The following USP34 variants were observed in gnomAD, a reference collection of about 807,000 sequenced individuals.
The protein encoded by USP34 is ubiquitin carboxyl-terminal hydrolase 34.
In USP34, 70 loss-of-function variants were observed where a neutral mutation model predicts 460.3. That is an observed-to-expected ratio of 0.15 (90% CI 0.13 to 0.19). The LOEUF is 0.19. Ranked by LOEUF, USP34 falls within the 10% of genes least tolerant of loss-of-function variation. The pLI is 1.00. For synonymous variants in USP34, 1,647 were observed against 1,405.3 expected (o/e 1.17, Z -3.85); for missense variants, 3,985 against 4,236.2 (o/e 0.94, Z 1.65).
intron 2 of USP34, among the ~76,000 whole-genome samples, chr2:61,411,055 C>G (rs1694022123): frequency 6.6e-6 from 1 of 151,968 alleles, no homozygotes; most frequent in Non-Finnish European, 1.5e-5. Context: ...ACATAATGAA[C>G]AAGATAAACT....
intron 3 of USP34, among the ~76,000 whole-genome samples, chr2:61,398,928 CT>C (rs1693626927): frequency 6.6e-6 from 1 of 152,172 alleles, no homozygotes; most frequent in South Asian, 2.1e-4. Context: ...TCTCAACGAA[CT>C]TTTTCATGGT....
chr2:61,429,521 G>C (rs536233727), intron 1 of USP34, among the ~76,000 whole-genome samples: 1 of 152,218 alleles, frequency 6.6e-6, no homozygotes, highest in South Asian at 2.1e-4. Context: ...TAGCTACCCA[G>C]GAGGCTGAGG....
intron 29 of USP34, 85 bp from the exon 30 acceptor site, chr2:61,297,010 C>A: frequency 2.0e-6 from 3 of 1,486,704 alleles, no homozygotes; most frequent in South Asian, 1.4e-5. Context: ...AAGTAATGAT[C>A]AAATTTGCTA....
At chr2:61,376,391 T>C (rs1264100888) in intron 8 of USP34, among the ~76,000 whole-genome samples, 1 of 152,178 alleles carries the variant, frequency 6.6e-6, no homozygotes, top group African/African-American at 2.4e-5. Flanking sequence ...AAACATGTCT[T>C]TGGGATGTAT....
chr2:61,382,646 A>T (rs190329104), intron 6 of USP34, among the ~76,000 whole-genome samples: 1 of 152,352 alleles, frequency 6.6e-6, no homozygotes, highest in East Asian at 1.9e-4. Context: ...ACTGTCATAA[A>T]TGTTATCAAG....
chr2:61,206,873 A>G lies in USP34; in HGVS notation c.8933T>C (p.Leu2978Ser). 2.5e-6 allele frequency: 4 copies of G among 1,603,952 alleles called. No individual in the cohort carries two copies. Among genetic ancestry groups the G allele is most frequent in the Non-Finnish European group, 3.4e-6 (4 of 1,177,490 alleles). The change falls in exon 71 of 80, where the codon TTG becomes TCG. Residue 2978 changes from leucine to serine, a missense_variant. Physicochemically the swap from Leu to Ser is moderately radical, Grantham distance 145 (BLOSUM62 -2). Around this residue, in one of 14 missense-constraint regions of USP34, gnomAD observed 275 missense variants for 292.7 expected, o/e 0.94. Transcript: ENST00000398571. ...TGTAGCTTCGTGATACATCATGTGC[A>G]AAGTGTTGAAAGACTACAAATGATT... ...LILMTESFNT[L>S]HMMYHEATAC...
chr2:61,464,224 C>A (rs1426637918), intron 1 of USP34, among the ~76,000 whole-genome samples: 1 of 152,088 alleles, frequency 6.6e-6, no homozygotes, highest in East Asian at 1.9e-4. Flanking sequence ...GAGGATGAGG[C>A]AGGAGAATCA....
At chr2:61,379,837 T>C (rs1692921518) in intron 7 of USP34, among the ~76,000 whole-genome samples, 2 of 152,262 alleles carry the variant, frequency 1.3e-5, no homozygotes, top group Admixed American at 6.5e-5. Context: ...GGAAAATTAA[T>C]TAACTGCTTA....
intron 1 of USP34, among the ~76,000 whole-genome samples, chr2:61,449,824 T>C (rs892491687): frequency 6.6e-6 from 1 of 152,080 alleles, no homozygotes; most frequent in Non-Finnish European, 1.5e-5. Flanking sequence ...TCCCAGCACT[T>C]TGGGAGGCTG....
intron 12 of USP34, among the ~76,000 whole-genome samples, chr2:61,349,717 T>C (rs1316959217): frequency 6.6e-6 from 1 of 152,040 alleles, no homozygotes; most frequent in Non-Finnish European, 1.5e-5. Context: ...GGCGGGCACC[T>C]GTAGTCCCAG....
rs574834845 is a variant in USP34, at chr2:61,215,232, T to C, written c.8048-538A>G. The stretch of plus-strand genomic sequence containing the variant: ...TATAAGATTACATATATGCTAATTA[T>C]AGAACATTAACTTTGGAAAATCTTT... On this transcript the variant is annotated intron_variant, in intron 67 of 79. Transcript: ENST00000398571. Among the ~76,000 whole-genome samples, 5 of 152,322 alleles carry C rather than the reference T, an allele frequency of 3.3e-5. No individual in the cohort carries two copies. In the East Asian group the frequency reaches 7.7e-4, roughly 23 times the overall value.
intron 76 of USP34, among the ~76,000 whole-genome samples, chr2:61,192,160 G>A (rs1332921042): frequency 1.3e-5 from 2 of 152,202 alleles, no homozygotes; most frequent in Non-Finnish European, 2.9e-5. Context: ...TGGGTCAAGG[G>A]TTGCACCTAA....
chr2:61,369,983 TAAA>T (rs35212285), intron 10 of USP34, among the ~76,000 whole-genome samples: 2 of 127,734 alleles, frequency 1.6e-5, no homozygotes, highest in South Asian at 2.5e-4. Context: ...TATGCCTATT[TAAA>T]AAAAAAAAAA....
chr2:61,224,610 G>A (rs1382760285), intron 62 of USP34, among the ~76,000 whole-genome samples: 1 of 152,096 alleles, frequency 6.6e-6, no homozygotes, highest in Non-Finnish European at 1.5e-5. Context: ...TGGTTGCCAC[G>A]AAGTATACTT....
At chr2:61,439,540 A>G (rs747622839) in intron 1 of USP34, among the ~76,000 whole-genome samples, 2 of 152,162 alleles carry the variant, frequency 1.3e-5, no homozygotes, top group Non-Finnish European at 2.9e-5. Flanking sequence ...CTGTGTGCTG[A>G]GCAGGCAGTC....
intron 1 of USP34, among the ~76,000 whole-genome samples, chr2:61,436,720 A>C (rs1334416600): frequency 2.0e-5 from 3 of 152,246 alleles, no homozygotes; most frequent in Admixed American, 2.0e-4. Context: ...ATTTCACCTA[A>C]TAGCAGCAGA....
At chr2:61,399,059 A>T (rs1693630380) in intron 3 of USP34, among the ~76,000 whole-genome samples, 1 of 152,204 alleles carries the variant, frequency 6.6e-6, no homozygotes, top group African/African-American at 2.4e-5. Context: ...GGGCACAGCT[A>T]AAAAATCTCC....
At chr2:61,408,064 G>A (rs561254269) in intron 2 of USP34, among the ~76,000 whole-genome samples, 15 of 152,110 alleles carry the variant, frequency 9.9e-5, no homozygotes, top group African/African-American at 2.7e-4. Context: ...GCAGTGAGCC[G>A]AGATCATGCC....
intron 58 of USP34, 65 bp from the exon 59 acceptor site, chr2:61,229,698 A>T (rs1572853264): frequency 7.1e-7 from 1 of 1,399,132 alleles, no homozygotes; most frequent in East Asian, 2.3e-5. Flanking sequence ...TGAAAAATTA[A>T]CATGATTCAA....
Sources: gnomAD v4.1 joint callset for allele counts (sites outside exome capture counted in the v4.1 genomes callset) on GRCh38, gnomAD v4.1.1 for gene constraint, gnomAD v4.1.1 regional missense constraint, MANE v1.5 for transcripts, NCBI Gene and HGNC (gene_info 2026-07-23, HGNC 2026-07-21) for gene names.